The following CNNM3 variants were observed in gnomAD, a reference collection of about 807,000 sequenced individuals.
CNNM3 encodes metal transporter CNNM3.
A neutral mutation model predicts 57.1 loss-of-function variants in CNNM3; 47 were observed. That is an observed-to-expected ratio of 0.82 (90% confidence interval 0.65 to 1.05). CNNM3 has a LOEUF of 1.05. Ranked by LOEUF, CNNM3 falls within the 50% of genes least tolerant of loss-of-function variation. CNNM3 has a pLI of 0.00. For synonymous variants in CNNM3, 507 were observed against 478.2 expected, an observed-to-expected ratio of 1.06 and a Z score of -0.79; for missense variants, 957 against 973.7, an observed-to-expected ratio of 0.98 and a Z score of 0.23.
chr2:96,836,643 G>A (rs2079694716), downstream of CNNM3: 1 of 152,154 alleles, frequency 6.6e-6, no homozygotes, highest in Non-Finnish European at 1.5e-5. Flanking sequence ...ACCTCCCAAA[G>A]TACTACAATT....
In CNNM3 at chr2:96,816,437, G is replaced by A; in HGVS notation, c.160G>A (p.Ala54Thr). 7.1e-7 allele frequency: 1 copy of A among 1,410,232 alleles called. No individual in the cohort carries two copies. Among genetic ancestry groups the A allele is most frequent in the South Asian group, 1.5e-5 (1 of 64,692 alleles). The allele number at this position is 1,410,232 out of a possible 1,614,324, so 87.4% of individuals were successfully genotyped here. ...CGCGGGTTGGGTACGCGGAGGGGCGGCGCGGGACACGCCGGACGCCACCTT... is the reference window on the plus strand; with the variant it reads ...CGCGGGTTGGGTACGCGGAGGGGCGACGCGGGACACGCCGGACGCCACCTT... ...AGAGWVRGGA[A>T]RDTPDATFLL... The change falls in exon 1 of 8, where the codon GCG becomes ACG. Residue 54 changes from alanine (A) to threonine (T), a missense_variant. Ala to Thr is a moderately conservative substitution (Grantham distance 58). Coordinates refer to ENST00000305510, the MANE Select transcript of CNNM3 (RefSeq NM_017623.5).
At chr2:96,823,347 T>C (rs565773792) in intron 1 of CNNM3, among the ~76,000 whole-genome samples, 1 of 152,348 alleles carries the variant, frequency 6.6e-6, no homozygotes, top group South Asian at 2.1e-4. Context: ...ATTTAGATCC[T>C]GGGCTTTGGT....
chr2:96,825,536 G>A (rs992412495), intron 2 of CNNM3, among the ~76,000 whole-genome samples: 1 of 152,152 alleles, frequency 6.6e-6, no homozygotes, highest in Non-Finnish European at 1.5e-5. Flanking sequence ...GTCTCCCTAG[G>A]TGCTTTTGTT....
rs535195074 is a variant in CNNM3, at chr2:96,828,916, C to T, written c.1921-80C>T. 45 of 1,579,690 alleles carry T rather than the reference C, an allele frequency of 2.8e-5. No individual in the cohort carries two copies. In the Admixed American group the frequency reaches 6.1e-4, roughly 22 times the overall value. ...CTTAAAGTTGTGCCTCTGTCCTCTT[C>T]GGGCACGGTGTCACCTTTCCTGCCT... On this transcript the variant is annotated intron_variant, in intron 6 of 7. Coordinates refer to ENST00000305510, the MANE Select transcript of CNNM3 (RefSeq NM_017623.5).
rs2079472524 is a variant in CNNM3, at chr2:96,824,921, A to G, written c.1226-137A>G. On this transcript the variant is annotated intron_variant, in intron 1 of 7. Transcript: ENST00000305510. ...GGGAGTCTTAAGTAAAAACCTAGAA[A>G]AGAGTGTGGCTCTGTGCCTGGCACG... 1.3e-5 allele frequency: 12 copies of G among 898,892 alleles called. No individual in the cohort carries two copies. The South Asian group carries it at 1.9e-4, about 14-fold the overall frequency. 55.7% of individuals were successfully genotyped at this position (898,892 alleles called of 1,614,324 possible).
chr2:96,828,073 G>C, intron 4 of CNNM3, 26 bp from the exon 5 acceptor site: 1 of 1,607,246 alleles, frequency 6.2e-7, no homozygotes, highest in Non-Finnish European at 8.5e-7. Flanking sequence ...GGCCGCATCT[G>C]TTTCTCTCCT....
At position 96,816,453 on chromosome 2, in the gene CNNM3, A is replaced by C. The variant is rs1379697946; in HGVS notation, c.176A>C (p.Asp59Ala). The change falls in exon 1 of 8, where the codon GAC (aspartate) becomes GCC (alanine). Residue 59 changes from aspartate (D) to alanine (A), a missense_variant. By Grantham distance (126) the Asp-to-Ala change is moderately radical (BLOSUM62 -2). This residue lies in a region of CNNM3 where 466 missense variants were observed against 403.1 expected (regional missense o/e 1.16). Coordinates refer to ENST00000305510, the MANE Select transcript of CNNM3 (RefSeq NM_017623.5). ...GGAGGGGCGGCGCGGGACACGCCGG[A>C]CGCCACCTTCCTCCTGCGCCTCTTC... The part of the protein sequence containing the change: ...VRGGAARDTP[D>A]ATFLLRLFGP... 6.9e-7 allele frequency: 1 copy of C among 1,442,376 alleles called. No homozygotes were observed. The highest frequency in any genetic ancestry group is 9.1e-7 in the Non-Finnish European group (1 of 1,097,750). 89.3% of individuals were successfully genotyped at this position (1,442,376 alleles called of 1,614,324 possible).
rs532446840 is a variant in CNNM3, at chr2:96,832,448, C to G, written c.2060-104C>G. ...TACTTCCCAAGGCATCCCGAAGCACCTGTCTTAGCTGCCCCTTCCTGTCCC... is the reference window on the plus strand; with the variant it reads ...TACTTCCCAAGGCATCCCGAAGCACGTGTCTTAGCTGCCCCTTCCTGTCCC... On this transcript the variant is annotated intron_variant, in intron 7 of 7. Coordinates refer to ENST00000305510, the MANE Select transcript of CNNM3 (RefSeq NM_017623.5). 5 of 1,571,798 alleles carry G rather than the reference C, an allele frequency of 3.2e-6. No individual in the cohort carries two copies. The South Asian group carries it at 5.8e-5, about 18-fold the overall frequency.
intron 1 of CNNM3, among the ~76,000 whole-genome samples, chr2:96,820,272 G>A (rs1574100930): frequency 6.6e-6 from 1 of 152,204 alleles, no homozygotes; most frequent in Non-Finnish European, 1.5e-5. Context: ...CAACAAGGAG[G>A]AGCAGCTGAG....
downstream of CNNM3, among the ~76,000 whole-genome samples, chr2:96,835,617 G>A (rs549552120): frequency 6.6e-6 from 1 of 151,980 alleles, no homozygotes; most frequent in Non-Finnish European, 1.5e-5. Flanking sequence ...ACAGGCGCCC[G>A]CCACCACGCC....
At chr2:96,835,613 G>A (rs1399233596), downstream of CNNM3, among the ~76,000 whole-genome samples, 1 of 151,882 alleles carries the variant, frequency 6.6e-6, no homozygotes, top group Non-Finnish European at 1.5e-5. Flanking sequence ...GACTACAGGC[G>A]CCCGCCACCA....
chr2:96,816,982 G>A lies in CNNM3; in HGVS notation c.705G>A (p.Val235=). 1 of 1,361,452 alleles carries A rather than the reference G, an allele frequency of 7.3e-7. No homozygotes were observed. Among genetic ancestry groups the A allele is most frequent in the Non-Finnish European group, 9.5e-7 (1 of 1,051,018 alleles). The allele number at this position is 1,361,452 out of a possible 1,614,324, so 84.3% of individuals were successfully genotyped here. A position where few individuals can be genotyped will look rare whatever the true frequency, so the allele number is the denominator to read the frequency against. ...VLGSAGLVFL[V]GEVVPAAVSG... is the part of the protein sequence containing the mutation. ...GCAGCGCGGGGCTCGTGTTCCTGGT[G>A]GGAGAGGTGGTGCCGGCCGCCGTGA... is the stretch of plus-strand genomic sequence containing the variant. The change falls in exon 1 of 8, where the codon GTG becomes GTA. Residue 235 remains valine, a synonymous_variant. Coordinates refer to ENST00000305510, the MANE Select transcript of CNNM3 (RefSeq NM_017623.5).
In CNNM3 at chr2:96,816,531, G is replaced by T. The variant is rs376486181; in HGVS notation, c.254G>T (p.Gly85Val). The T allele has an allele frequency of 6.7e-4, 914 of 1,361,948 alleles. 2 individuals are homozygous for T. The highest frequency in any genetic ancestry group is 8.2e-4 in the Non-Finnish European group (863 of 1,057,818). The allele number at this position is 1,361,948 out of a possible 1,614,324, so 84.4% of individuals were successfully genotyped here. Residue 85 changes from glycine (G) to valine (V), a missense_variant, in exon 1 of 8, where the codon GGC becomes GTC. Transcript: ENST00000305510. ...SWSWVAPEGA[G>V]CREEAASPAG... ...TCCTGGGTGGCCCCGGAGGGGGCGG[G>T]CTGCCGGGAGGAGGCGGCCTCCCCC... is the stretch of plus-strand genomic sequence containing the variant.
intron 1 of CNNM3, among the ~76,000 whole-genome samples, chr2:96,821,584 T>C (rs1039121287): frequency 7.9e-5 from 12 of 152,298 alleles, no homozygotes; most frequent in Non-Finnish European, 1.6e-4. Context: ...GAAGAGTGAG[T>C]GCTTTGGAGC....
downstream of CNNM3, among the ~76,000 whole-genome samples, chr2:96,835,415 G>A (rs1449999621): frequency 6.6e-6 from 1 of 151,678 alleles, no homozygotes; most frequent in African/African-American, 2.4e-5. Flanking sequence ...TTTTCGAGGA[G>A]TGTAAATGCT....
At chr2:96,818,099 T>C (rs1209047941) in intron 1 of CNNM3, among the ~76,000 whole-genome samples, 1 of 152,236 alleles carries the variant, frequency 6.6e-6, no homozygotes, top group African/African-American at 2.4e-5. Flanking sequence ...TTATGCTGAC[T>C]TAGTCTCCCT....
Position 96,816,943 on chromosome 2 carries a change from G to A in CNNM3, c.666G>A (p.Val222=). 1 of 1,263,324 alleles carries A rather than the reference G, an allele frequency of 7.9e-7. No individual in the cohort carries two copies. The highest frequency in any genetic ancestry group is 1.0e-6 in the Non-Finnish European group (1 of 1,001,288). 78.3% of individuals were successfully genotyped at this position (1,263,324 alleles called of 1,614,324 possible). A position where few individuals can be genotyped will look rare whatever the true frequency, so the allele number is the denominator to read the frequency against. Residue 222 remains valine, a synonymous_variant, in exon 1 of 8, where the codon GTG becomes GTA. Coordinates refer to ENST00000305510, the MANE Select transcript of CNNM3 (RefSeq NM_017623.5). ...ACCGCGCGGCCGGCCAGCGTGCGGTGCCCGCCGTGTTGGGCAGCGCGGGGC... is the reference window on the plus strand; with the variant it reads ...ACCGCGCGGCCGGCCAGCGTGCGGTACCCGCCGTGTTGGGCAGCGCGGGGC... ...LLYRAAGQRA[V]PAVLGSAGLV...
chr2:96,822,081 C>T (rs1324504006), intron 1 of CNNM3, among the ~76,000 whole-genome samples: 1 of 151,372 alleles, frequency 6.6e-6, no homozygotes, highest in South Asian at 2.1e-4. Flanking sequence ...TGGCTCACTG[C>T]AACCTCTGCC....
At chr2:96,823,703 G>A (rs2079446878) in intron 1 of CNNM3, among the ~76,000 whole-genome samples, 1 of 152,218 alleles carries the variant, frequency 6.6e-6, no homozygotes, top group Non-Finnish European at 1.5e-5. Flanking sequence ...TTGACTGTTT[G>A]ATTTCCCAGG....
Sources: allele counts gnomAD v4.1 joint callset (sites outside exome capture counted in the v4.1 genomes callset), GRCh38; gene constraint gnomAD v4.1.1; regional missense constraint gnomAD v4.1.1; transcripts MANE v1.5; gene names NCBI Gene and HGNC (gene_info 2026-07-23, HGNC 2026-07-21).